The following NBAS variants were observed in gnomAD, a reference collection of about 807,000 sequenced individuals.
NBAS encodes NBAS subunit of NRZ tethering complex, also known as NAG/BC035112 fusion.
In NBAS, 219 loss-of-function variants were observed where a neutral mutation model predicts 302.5. The ratio of observed to expected loss-of-function variants is 0.72; its 90% CI spans 0.65 to 0.81. NBAS has a LOEUF of 0.81. Among genes scored for constraint, NBAS ranks in the 30% least tolerant of loss-of-function variants. The pLI is 0.00. For synonymous variants in NBAS, 1,118 were observed against 1,021.6 expected (o/e 1.09, Z -1.80); for missense variants, 2,932 against 2,841.6 (o/e 1.03, Z -0.72).
the NBAS span, among the ~76,000 whole-genome samples, chr2:14,950,241 C>T: frequency 0.054 from 8,232 of 152,272 alleles, 322 homozygotes; most frequent in Non-Finnish European, 0.086. Context: ...TTAGCTCCCA[C>T]ATATCAGTGA....
chr2:15,144,270 G>A, the NBAS span, among the ~76,000 whole-genome samples: 1 of 151,658 alleles, frequency 6.6e-6, no homozygotes, highest in African/African-American at 2.4e-5. Flanking sequence ...TGGCTGCCTT[G>A]GCAAACCTTC....
At chr2:14,903,334 A>AAAAAAAAG in the NBAS span, among the ~76,000 whole-genome samples, 28 of 149,918 alleles carry the variant, frequency 1.9e-4, no homozygotes, top group East Asian at 5.8e-4. Context: ...TTGCAAAAAA[A>AAAAAAAAG]AAAAAAAGAA....
chr2:15,429,244 T>C (rs943220709), intron 21 of NBAS, among the ~76,000 whole-genome samples: 2 of 152,094 alleles, frequency 1.3e-5, no homozygotes, highest in African/African-American at 2.4e-5. Context: ...TTAACATCCA[T>C]GAATCCATGA....
the NBAS span, among the ~76,000 whole-genome samples, chr2:14,842,467 T>A: frequency 2.0e-5 from 3 of 151,706 alleles, no homozygotes; most frequent in African/African-American, 7.3e-5. Flanking sequence ...ATAATTAAAA[T>A]CAGAAACTAA....
the NBAS span, among the ~76,000 whole-genome samples, chr2:14,787,727 C>T: frequency 7.9e-5 from 12 of 152,224 alleles, no homozygotes; most frequent in East Asian, 5.8e-4. Context: ...GTGGGTAACC[C>T]GACCTTTCTC....
chr2:15,439,064 G>A (rs1413962771), intron 21 of NBAS, among the ~76,000 whole-genome samples: 4 of 152,118 alleles, frequency 2.6e-5, no homozygotes, highest in Admixed American at 2.6e-4. Flanking sequence ...GGGAGGCCGA[G>A]GCAGGCGGAC....
intron 51 of NBAS, among the ~76,000 whole-genome samples, chr2:15,170,489 G>A (rs375868881): frequency 6.6e-6 from 1 of 152,320 alleles, no homozygotes; most frequent in Non-Finnish European, 1.5e-5. Flanking sequence ...AACGATAAAG[G>A]TCTGCGTTTG....
At chr2:14,976,670 T>C in the NBAS span, among the ~76,000 whole-genome samples, 3 of 152,324 alleles carry the variant, frequency 2.0e-5, no homozygotes, top group South Asian at 6.2e-4. Flanking sequence ...TTCTACAATG[T>C]AATCAAGTTT....
chr2:14,854,773 C>T, the NBAS span, among the ~76,000 whole-genome samples: 2 of 152,166 alleles, frequency 1.3e-5, no homozygotes, highest in East Asian at 3.9e-4. Flanking sequence ...AAAACTTGAG[C>T]TCCTGCAAAC....
At chr2:15,369,581 G>T (rs1674387200) in intron 31 of NBAS, among the ~76,000 whole-genome samples, 1 of 151,896 alleles carries the variant, frequency 6.6e-6, no homozygotes, top group African/African-American at 2.4e-5. Flanking sequence ...GCTGATTTAG[G>T]GCCTGCTTAA....
intron 11 of NBAS, among the ~76,000 whole-genome samples, chr2:15,489,898 G>GCCTGCCCACAAAGAATA (rs1680783408): frequency 3.3e-5 from 5 of 152,146 alleles, no homozygotes. Flanking sequence ...GTCCAAGGTA[G>GCCTGCCCACAAAGAATA]CCTGCCCACA....
Position 15,474,222 on chromosome 2 carries a change from T to C in NBAS, c.1444A>G (p.Lys482Glu). Reference sequence around the variant, plus strand: ...TTTATATAACCAAAGTAGCGAGCCTTGGCAGATATTTCATAATCAGAATCA... The same window carrying C: ...TTTATATAACCAAAGTAGCGAGCCTCGGCAGATATTTCATAATCAGAATCA... ...DSDSDYEISA[K>E]ARYFGYIKQG... is the part of the protein sequence containing the mutation. Residue 482 changes from lysine (K) to glutamate (E), a missense_variant, in exon 15 of 52, where the codon AAG (lysine) becomes GAG (glutamate). Physicochemically the swap from Lys to Glu is moderately conservative, Grantham distance 56 (BLOSUM62 1). Transcript: ENST00000281513. 6.2e-7 allele frequency: 1 copy of C among 1,614,138 alleles called. No individual in the cohort carries two copies. The highest frequency in any genetic ancestry group is 1.1e-5 in the South Asian group (1 of 91,078).
the NBAS span, among the ~76,000 whole-genome samples, chr2:14,793,645 C>T: frequency 6.6e-6 from 1 of 152,058 alleles, no homozygotes; most frequent in Non-Finnish European, 1.5e-5. Flanking sequence ...TGGAAATAGT[C>T]TAAGAAGAAA....
intron 39 of NBAS, among the ~76,000 whole-genome samples, chr2:15,308,686 C>G (rs922724511): frequency 1.1e-4 from 17 of 152,172 alleles, no homozygotes; most frequent in African/African-American, 4.1e-4. Context: ...GCCAGAACTT[C>G]CAACACTATG....
chr2:15,534,570 T>C lies in NBAS; in HGVS notation c.719A>G (p.Asn240Ser). The C allele has an allele frequency of 6.2e-7, 1 of 1,613,326 alleles. No homozygotes were observed. The highest frequency in any genetic ancestry group is 8.5e-7 in the Non-Finnish European group (1 of 1,179,262). Residue 240 changes from asparagine to serine, a missense_variant, in exon 9 of 52, where the codon AAC becomes AGC. Coordinates refer to ENST00000281513, the MANE Select transcript of NBAS (RefSeq NM_015909.4). ...SFSSHYPHGI[N>S]TAIYHPGHRL... is the part of the protein sequence containing the mutation. ...GTGACCAGGGTGGTAAATAGCTGTG[T>C]TGATTCCATGAGGATAATGACTACT...
Position 15,328,240 on chromosome 2 carries a change from G to T in NBAS, c.4420C>A (p.Pro1474Thr), listed in dbSNP as rs542935170. ...TTTGAGATGACAGATTCATAAAAAG[G>T]ATGACACCCTTGTTTCTCTAGATCT... Reference protein sequence around the residue: ...NEDLEKQGCHPFYESVISNPF... With the variant: ...NEDLEKQGCHTFYESVISNPF... The change falls in exon 37 of 52, where the codon CCT (proline) becomes ACT (threonine). Residue 1474 changes from proline (P) to threonine (T), a missense_variant. By Grantham distance (38) the Pro-to-Thr change is conservative. Transcript: ENST00000281513. 4.5e-5 allele frequency: 73 copies of T among 1,613,914 alleles called. No homozygotes were observed. The South Asian group carries it at 6.7e-4, about 15-fold the overall frequency.
chr2:15,467,199 T>G, intron 19 of NBAS, 130 bp downstream of exon 19: 1 of 718,894 alleles, frequency 1.4e-6, no homozygotes, highest in Non-Finnish European at 2.4e-6. Flanking sequence ...GAGAACTTGC[T>G]TCTATAAGAA....
At chr2:15,516,856 G>A (rs1236512723) in intron 9 of NBAS, among the ~76,000 whole-genome samples, 1 of 151,926 alleles carries the variant, frequency 6.6e-6, no homozygotes, top group Non-Finnish European at 1.5e-5. Context: ...ATAAGCAACA[G>A]CAAATCACAA....
intron 11 of NBAS, among the ~76,000 whole-genome samples, chr2:15,501,165 G>C (rs1474246540): frequency 6.6e-6 from 1 of 151,860 alleles, no homozygotes; most frequent in African/African-American, 2.4e-5. Context: ...GCCGGGTATG[G>C]TGGCGGGTGC....
Sources: gnomAD v4.1 joint callset for allele counts (sites outside exome capture counted in the v4.1 genomes callset) on GRCh38, gnomAD v4.1.1 for gene constraint, MANE v1.5 for transcripts, NCBI Gene and HGNC (gene_info 2026-07-23, HGNC 2026-07-21) for gene names.